The following GLYR1 variants were observed in gnomAD, a reference collection of about 807,000 sequenced individuals.
GLYR1 encodes cytokine-like nuclear factor N-PAC.
Under a neutral mutation model 72.7 loss-of-function variants are expected in GLYR1, and 21 were observed. The ratio of observed to expected loss-of-function variants is 0.29; its 90% confidence interval spans 0.20 to 0.42. The LOEUF (loss-of-function observed/expected upper bound fraction) is 0.42. Ranked by LOEUF, GLYR1 falls within the 10% of genes least tolerant of loss-of-function variation. GLYR1 has a pLI of 1.00. For synonymous variants in GLYR1, 392 were observed against 270.2 expected (o/e 1.45, Z -4.42); for missense variants, 594 against 712.1 (o/e 0.83, Z 1.89).
At chr16:4,820,132 G>C (rs1380888781) in intron 9 of GLYR1, among the ~76,000 whole-genome samples, 2 of 152,022 alleles carry the variant, frequency 1.3e-5, no homozygotes, top group African/African-American at 4.8e-5. Flanking sequence ...CAAGTAGCTG[G>C]GATTAAAGGC....
At chr16:4,812,544 G>A (rs1473138077) in intron 12 of GLYR1, among the ~76,000 whole-genome samples, 2 of 151,776 alleles carry the variant, frequency 1.3e-5, no homozygotes, top group East Asian at 3.9e-4. Context: ...CCAGGCTGGA[G>A]TGCAGTGGAG....
chr16:4,819,773 C>T (rs1357871313), intron 9 of GLYR1, among the ~76,000 whole-genome samples: 3 of 152,206 alleles, frequency 2.0e-5, no homozygotes, highest in East Asian at 1.9e-4. Flanking sequence ...CCTGTCCCAG[C>T]CTGTATTAAG....
chr16:4,835,968 A>G (rs756447162), intron 3 of GLYR1, among the ~76,000 whole-genome samples: 1 of 152,082 alleles, frequency 6.6e-6, no homozygotes, highest in Non-Finnish European at 1.5e-5. Flanking sequence ...CATCTTTTTT[A>G]AATTTATTTT....
intron 15 of GLYR1, 128 bp downstream of exon 15, chr16:4,811,042 T>G (rs573027375): frequency 8.7e-7 from 1 of 1,143,878 alleles, no homozygotes; most frequent in Non-Finnish European, 1.2e-6. Context: ...GAGGCGGAGG[T>G]TGCATTGAGC....
Position 4,831,984 on chromosome 16 carries a change from C to T in GLYR1, c.532G>A (p.Glu178Lys). The T allele has an allele frequency of 1.2e-6, 2 of 1,613,088 alleles. No individual in the cohort carries two copies. Among genetic ancestry groups the T allele is most frequent in the Non-Finnish European group, 1.7e-6 (2 of 1,179,626 alleles). The change falls in exon 5 of 16, where the codon GAG (glutamate) becomes AAG (lysine). Residue 178 changes from glutamate (E) to lysine (K), a missense_variant. Around this residue, in one of 5 missense-constraint regions of GLYR1, gnomAD observed 252 missense variants for 211.3 expected, o/e 1.19. Transcript: ENST00000321919. ...GCTGCAGAGAGAAAACAAACCTTCT[C>T]ATCCTTTGGGGGCCGACCCCGCTTC... ...PRKRGRPPKDEKDLTIPESST... is the reference protein window; with the variant it reads ...PRKRGRPPKDKKDLTIPESST...
intron 7 of GLYR1, 90 bp from the exon 8 acceptor site, chr16:4,821,687 G>T: frequency 8.3e-7 from 1 of 1,200,684 alleles, no homozygotes; most frequent in Non-Finnish European, 1.2e-6. Context: ...ACCCAAAGTG[G>T]GAAGTTAACA....
At chr16:4,843,397 C>T (rs1000252593) in intron 3 of GLYR1, 1 of 1,012,184 alleles carries the variant, frequency 9.9e-7, no homozygotes, top group Non-Finnish European at 1.3e-6. Flanking sequence ...TCCAGTGATC[C>T]ACCCACCTTG....
chr16:4,846,034 A>G (rs904466534), intron 2 of GLYR1, 140 bp downstream of exon 2: 4 of 837,238 alleles, frequency 4.8e-6, no homozygotes, highest in Non-Finnish European at 8.3e-6. Context: ...AATAACCGAT[A>G]CTAGGGGAAA....
chr16:4,845,300 C>G (rs1334977030), intron 2 of GLYR1, 147 bp from the exon 3 acceptor site: 5 of 608,476 alleles, frequency 8.2e-6, no homozygotes, highest in African/African-American at 5.6e-5. Context: ...ATATACAAAA[C>G]AGAACCCAAG....
intron 2 of GLYR1, 122 bp from the exon 3 acceptor site, chr16:4,845,275 C>A: frequency 1.5e-6 from 1 of 661,618 alleles, no homozygotes. Flanking sequence ...GACTTACTTA[C>A]AAATAAATTT....
chr16:4,816,895 G>A (rs1256620580), intron 10 of GLYR1, among the ~76,000 whole-genome samples: 3 of 151,286 alleles, frequency 2.0e-5, no homozygotes, highest in African/African-American at 7.3e-5. Context: ...TCTGAGGCAG[G>A]AGAATCACTT....
chr16:4,846,618 G>C, intron 1 of GLYR1: 1 of 255,520 alleles, frequency 3.9e-6, no homozygotes, highest in Non-Finnish European at 7.9e-6. Flanking sequence ...CAGCTCGAGG[G>C]AGGCGGCGAC....
At chr16:4,832,722 T>G in intron 4 of GLYR1, 52 bp downstream of exon 4, 1 of 1,554,540 alleles carries the variant, frequency 6.4e-7, no homozygotes, top group South Asian at 1.2e-5. Context: ...TTAGTTGCTA[T>G]GCAAAAATCA....
At chr16:4,813,042 A>AT (rs1276484526) in intron 12 of GLYR1, among the ~76,000 whole-genome samples, 1 of 150,824 alleles carries the variant, frequency 6.6e-6, no homozygotes, top group Non-Finnish European at 1.5e-5. Context: ...AGCTCACTGC[A>AT]AGCTCCGCCT....
chr16:4,811,555 A>C, intron 14 of GLYR1, 68 bp downstream of exon 14: 1 of 1,575,656 alleles, frequency 6.3e-7, no homozygotes, highest in Non-Finnish European at 8.7e-7. Context: ...ACGCTCACTA[A>C]ATCCCTGACC....
intron 5 of GLYR1, among the ~76,000 whole-genome samples, chr16:4,824,498 C>CA (rs142627380): frequency 0.44 from 41,777 of 94,634 alleles, 7,734 homozygotes; most frequent in South Asian, 0.54. Context: ...GACTCCATCT[C>CA]AAAAAAAAAA....
chr16:4,842,378 C>T (rs1227327258), intron 3 of GLYR1, among the ~76,000 whole-genome samples: 1 of 152,116 alleles, frequency 6.6e-6, no homozygotes, highest in African/African-American at 2.4e-5. Flanking sequence ...AAGACAGGGT[C>T]TAGCTCTGTC....
At chr16:4,846,745 T>C (rs2086127439) in intron 1 of GLYR1, 1 of 224,716 alleles carries the variant, frequency 4.5e-6, no homozygotes, top group Non-Finnish European at 9.0e-6. Context: ...CCGCCGTTTC[T>C]TCGCGGGGCA....
At chr16:4,846,288 A>G (rs1194377456) in intron 1 of GLYR1, 78 bp from the exon 2 acceptor site, 1 of 1,476,520 alleles carries the variant, frequency 6.8e-7, no homozygotes, top group African/African-American at 1.4e-5. Context: ...TACGCAATTT[A>G]TTTTCCTAAA....
Sources: gnomAD v4.1 joint callset for allele counts (sites outside exome capture counted in the v4.1 genomes callset) on GRCh38, gnomAD v4.1.1 for gene constraint, gnomAD v4.1.1 regional missense constraint, MANE v1.5 for transcripts, NCBI Gene and HGNC (gene_info 2026-07-23, HGNC 2026-07-21) for gene names.